ABLIM2: variants seen among roughly 807,000 people sequenced by gnomAD.
The protein encoded by ABLIM2 is actin binding LIM protein family member 2, also known as actin-binding LIM protein 2.
Under a neutral mutation model 97.7 loss-of-function variants are expected in ABLIM2, and 53 were observed. The observed-to-expected ratio is 0.54, with a 90% CI of 0.44 to 0.68. The LOEUF is 0.68. Among genes scored for constraint, ABLIM2 ranks in the 30% least tolerant of loss-of-function variants. The pLI is 0.00. For synonymous variants in ABLIM2, 361 were observed against 345.8 expected, an observed-to-expected ratio of 1.04 and a Z score of -0.49; for missense variants, 835 against 867.2, an observed-to-expected ratio of 0.96 and a Z score of 0.47.
chr4:8,065,490 G>A lies in ABLIM2; in HGVS notation c.676-4436C>T, dbSNP rs561720469. Among the ~76,000 whole-genome samples, 97 of 152,320 alleles carry A rather than the reference G, an allele frequency of 6.4e-4. 1 individual carries two copies. In the South Asian group the frequency reaches 0.016, roughly 25 times the overall value. On this transcript the variant is annotated intron_variant, in intron 6 of 20. Coordinates refer to ENST00000447017, the MANE Select transcript of ABLIM2 (RefSeq NM_001130083.2). ...TGTCAAGACACAGGAGCCCTCGTGC[G>A]CTGCTGATGGAAACACAAAACAGTG...
Position 8,083,747 on chromosome 4 carries a change from T to C in ABLIM2, c.455-2945A>G, listed in dbSNP as rs1335738016. ...AGAGCTGTCAGCGGCAGGATGTCCC[T>C]AGCAGGGCAGAAGGGGCCCCAGGAC... is the stretch of plus-strand genomic sequence containing the variant. On this transcript the variant is annotated intron_variant, in intron 4 of 20. Transcript: ENST00000447017. This position sits in a 1 kb window ranked among gnomAD's most constrained non-coding sequence, Gnocchi z 4.6. 6.6e-6 allele frequency among the ~76,000 whole-genome samples: 1 copy of C among 152,202 alleles called. No homozygotes were observed. The highest frequency in any genetic ancestry group is 1.9e-4 in the East Asian group (1 of 5,186).
At chr4:7,983,616 GT>G (rs1199706256) in intron 18 of ABLIM2, 62 bp from the exon 19 acceptor site, 4 of 1,595,082 alleles carry the variant, frequency 2.5e-6, no homozygotes, top group Non-Finnish European at 3.4e-6. Flanking sequence ...GTCGTCCAAG[GT>G]GAGTGCAATC....
At chr4:8,042,090 G>A (rs1789049584) in intron 9 of ABLIM2, among the ~76,000 whole-genome samples, 1 of 152,254 alleles carries the variant, frequency 6.6e-6, no homozygotes, top group African/African-American at 2.4e-5. Flanking sequence ...CCAAAGTACG[G>A]AGCCACAGCA....
rs991134413 is a variant in ABLIM2 at position 8,095,072 on chromosome 4, TTC to T, written c.338+2025_338+2026del. Among the ~76,000 whole-genome samples, 2 of 139,214 alleles carry T rather than the reference TTC, an allele frequency of 1.4e-5. No homozygotes were observed. The highest frequency in any genetic ancestry group is 2.2e-4 in the East Asian group (1 of 4,616). The allele number at this position is 139,214 out of a possible 152,430, so 91.3% of individuals were successfully genotyped here. ...TCTTTCTTTCTTTCTCTTTCTTTCT[TTC>T]TCTCTCTCTCTCTTTCTTTCTTTCT... is the stretch of plus-strand genomic sequence containing the variant. On this transcript the variant is annotated intron_variant, in intron 3 of 20. Coordinates refer to ENST00000447017, the MANE Select transcript of ABLIM2 (RefSeq NM_001130083.2). This position sits in a 1 kb window ranked among gnomAD's most constrained non-coding sequence, Gnocchi z 4.7.
chr4:8,077,153 C>T (rs888885347), intron 6 of ABLIM2, among the ~76,000 whole-genome samples: 1 of 152,132 alleles, frequency 6.6e-6, no homozygotes, highest in Non-Finnish European at 1.5e-5. Flanking sequence ...GTGTAATTTT[C>T]ACACAGGGAA....
intron 1 of ABLIM2, among the ~76,000 whole-genome samples, chr4:8,143,161 G>GC (rs1476052001): frequency 7.1e-6 from 1 of 139,872 alleles, no homozygotes; most frequent in Non-Finnish European, 1.5e-5. Flanking sequence ...GGCGAGAGTG[G>GC]GGGGGGGGGG....
rs1197745278 is a variant in ABLIM2 at position 8,128,374 on chromosome 4, CAG to C, written c.11-21739_11-21738del. On this transcript the variant is annotated intron_variant, in intron 1 of 20. Coordinates refer to ENST00000447017, the MANE Select transcript of ABLIM2 (RefSeq NM_001130083.2). This position sits in a 1 kb window ranked among gnomAD's most constrained non-coding sequence, Gnocchi z 4.9. ...GAAGACGTGTCTCTATCTAGCGAAT[CAG>C]AGTCCAGCACCCCGTCATAGGATGC... Among the ~76,000 whole-genome samples, 1 of 152,232 alleles carries C rather than the reference CAG, an allele frequency of 6.6e-6. No individual in the cohort carries two copies. The highest frequency in any genetic ancestry group is 1.5e-5 in the Non-Finnish European group (1 of 68,044).
intron 9 of ABLIM2, among the ~76,000 whole-genome samples, 151 bp from the exon 10 acceptor site, chr4:8,036,446 A>T (rs1784520099): frequency 7.7e-6 from 1 of 129,126 alleles, no homozygotes; most frequent in South Asian, 2.2e-4. Context: ...TGCATCCCAC[A>T]GGACAGTGCC....
At chr4:8,052,747 C>T (rs778301916) in intron 8 of ABLIM2, among the ~76,000 whole-genome samples, 3 of 152,354 alleles carry the variant, frequency 2.0e-5, no homozygotes, top group South Asian at 2.1e-4. Flanking sequence ...GGGCCTGCAT[C>T]GGAATGCTGT....
chr4:8,082,741 G>GGAAT lies in ABLIM2; in HGVS notation c.455-1943_455-1940dup, dbSNP rs1357131539. Among the ~76,000 whole-genome samples the GGAAT allele has an allele frequency of 2.5e-4, 38 of 152,232 alleles. No individual in the cohort carries two copies. The highest frequency in any genetic ancestry group is 1.3e-3 in the Admixed American group (20 of 15,274). ...GGCTGTGGGCTTGAGAAACACGTGG[G>GGAAT]GAATGAATGAATGAATGAATGGGAA... On this transcript the variant is annotated intron_variant, in intron 4 of 20. Coordinates refer to ENST00000447017, the MANE Select transcript of ABLIM2 (RefSeq NM_001130083.2). The surrounding 1 kb of genome is among the most constrained non-coding windows in gnomAD (Gnocchi z 5.6).
At chr4:7,989,605 C>T (rs1479527510) in intron 17 of ABLIM2, among the ~76,000 whole-genome samples, 1 of 152,166 alleles carries the variant, frequency 6.6e-6, no homozygotes, top group Non-Finnish European at 1.5e-5. Context: ...ACTATTGTCA[C>T]TCTTGCTTGC....
At chr4:7,977,825 T>TAAATAAATAAATAAATAAAA (rs1379220404) in intron 20 of ABLIM2, among the ~76,000 whole-genome samples, 1 of 151,260 alleles carries the variant, frequency 6.6e-6, no homozygotes, top group African/African-American at 2.4e-5. Context: ...AATAAATAAA[T>TAAATAAATAAATAAATAAAA]AAAAGGTGGG....
chr4:7,992,480 T>C lies in ABLIM2; in HGVS notation c.1680+386A>G, dbSNP rs1268943990. ...CCCGAGAAGGAGGTGGGCACTTGGC[T>C]CACACTGGCTCACCAAATGCAACAG... On this transcript the variant is annotated intron_variant, in intron 17 of 20. Transcript: ENST00000447017. The surrounding 1 kb of genome is among the most constrained non-coding windows in gnomAD (Gnocchi z 5.7). 6.6e-6 allele frequency among the ~76,000 whole-genome samples: 1 copy of C among 151,888 alleles called. No homozygotes were observed. The highest frequency in any genetic ancestry group is 1.5e-5 in the Non-Finnish European group (1 of 67,952).
intron 1 of ABLIM2, among the ~76,000 whole-genome samples, chr4:8,108,652 A>G (rs1249087629): frequency 6.6e-6 from 1 of 152,222 alleles, no homozygotes; most frequent in African/African-American, 2.4e-5. Flanking sequence ...TCCCTAACCA[A>G]TCACACGGGA....
chr4:8,027,693 C>G, intron 12 of ABLIM2, 66 bp downstream of exon 12: 1 of 1,301,902 alleles, frequency 7.7e-7, no homozygotes, highest in African/African-American at 1.5e-5. Flanking sequence ...ACATGGACAG[C>G]GAGCACACAG....
chr4:8,111,488 A>G (rs1287303226), intron 1 of ABLIM2, among the ~76,000 whole-genome samples: 1 of 152,266 alleles, frequency 6.6e-6, no homozygotes, highest in Admixed American at 6.5e-5. Flanking sequence ...TTAAGAATAC[A>G]TCAACGTTGG....
rs568252571 is a variant in ABLIM2 at position 8,156,802 on chromosome 4, C to T, written c.10+1878G>A. ...CTGCCAGACATACACAGTGGCCGGA[C>T]GTTAGAGCCCACATGCCAGGAACAA... On this transcript the variant is annotated intron_variant, in intron 1 of 20. Transcript: ENST00000447017. 7.2e-5 allele frequency among the ~76,000 whole-genome samples: 11 copies of T among 152,356 alleles called. No homozygotes were observed. The East Asian group carries it at 1.7e-3, about 24-fold the overall frequency.
Position 8,071,383 on chromosome 4 carries a change from T to G in ABLIM2, c.675+6245A>C, listed in dbSNP as rs1369333295. ...GAGATGGGTGGGATGCAGGCCAACA[T>G]GCATGAGGGTGCTGCACGTTTAGGA... On this transcript the variant is annotated intron_variant, in intron 6 of 20. Transcript: ENST00000447017. The surrounding 1 kb of genome is among the most constrained non-coding windows in gnomAD (Gnocchi z 6.2). Among the ~76,000 whole-genome samples, 1 of 152,044 alleles carries G rather than the reference T, an allele frequency of 6.6e-6. No individual in the cohort carries two copies. The highest frequency in any genetic ancestry group is 1.5e-5 in the Non-Finnish European group (1 of 67,984).
rs1781368728 is a variant in ABLIM2 at position 8,032,174 on chromosome 4, A to C, written c.1048-2398T>G. On this transcript the variant is annotated intron_variant, in intron 10 of 20. Coordinates refer to ENST00000447017, the MANE Select transcript of ABLIM2 (RefSeq NM_001130083.2). This position sits in a 1 kb window ranked among gnomAD's most constrained non-coding sequence, Gnocchi z 4.3. ...ACTGCAGTCTGATTGGCAGCTCTCT[A>C]TGTCACTGATTAATTTTGAGAAACA... 6.8e-6 allele frequency among the ~76,000 whole-genome samples: 1 copy of C among 147,746 alleles called. No individual in the cohort carries two copies.
Sources: gnomAD v4.1 joint callset for allele counts (sites outside exome capture counted in the v4.1 genomes callset) on GRCh38, gnomAD v4.1.1 for gene constraint, Gnocchi (gnomAD v3.1) non-coding constraint, MANE v1.5 for transcripts, NCBI Gene and HGNC (gene_info 2026-07-23, HGNC 2026-07-21) for gene names.